UNC13B: variants seen among roughly 807,000 people sequenced by gnomAD.
The protein encoded by UNC13B is protein unc-13 homolog B.
Under a neutral mutation model 211.0 loss-of-function variants are expected in UNC13B, and 144 were observed. The observed-to-expected ratio is 0.68, with a 90% CI of 0.60 to 0.78. The LOEUF (loss-of-function observed/expected upper bound fraction) is 0.78. UNC13B is among the 30% of genes least tolerant of loss of function. UNC13B has a pLI of 0.00. For missense variants in UNC13B, 1,777 were observed against 2,002.0 expected (o/e 0.89, Z 2.14); for synonymous variants, 709 against 725.8 (o/e 0.98, Z 0.37).
chr9:35,259,036 C>A lies in UNC13B; in HGVS notation c.512C>A (p.Ala171Asp). The A allele has an allele frequency of 6.2e-7, 1 of 1,613,982 alleles. No individual in the cohort carries two copies. Residue 171 changes from alanine to aspartate, a missense_variant, in exon 7 of 40, where the codon GCT becomes GAT. Ala to Asp is a moderately radical substitution (Grantham distance 126). Coordinates refer to ENST00000635942, the MANE Select transcript of UNC13B (RefSeq NM_001371189.2). ...EESQRKPLPTAAAQCSFEDPD... is the reference protein window; with the variant it reads ...EESQRKPLPTDAAQCSFEDPD... ...AGCCAGAGGAAGCCATTGCCCACTG[C>A]TGCCGCCCAGTGTTGTAAGTGAGAA...
At chr9:35,257,270 C>G (rs1314493845) in intron 6 of UNC13B, among the ~76,000 whole-genome samples, 1 of 142,980 alleles carries the variant, frequency 7.0e-6, no homozygotes, top group Admixed American at 7.2e-5. Flanking sequence ...ACCAGCCTGG[C>G]CAACGTGGTG....
intron 1 of UNC13B, among the ~76,000 whole-genome samples, chr9:35,202,093 G>A (rs1823336332): frequency 6.6e-6 from 1 of 152,104 alleles, no homozygotes; most frequent in African/African-American, 2.4e-5. Flanking sequence ...ATTTTGTTAT[G>A]CATCCAGTAG....
chr9:35,192,818 G>T (rs924744793), intron 1 of UNC13B, among the ~76,000 whole-genome samples: 3 of 152,158 alleles, frequency 2.0e-5, no homozygotes, highest in Non-Finnish European at 2.9e-5. Context: ...TACTCCAGAG[G>T]GGTGCAAGCT....
At position 35,206,901 on chromosome 9, in the gene UNC13B, A is replaced by C. The variant is rs532347225; in HGVS notation, c.23-21114A>C. 4.6e-5 allele frequency among the ~76,000 whole-genome samples: 7 copies of C among 152,014 alleles called. No homozygotes were observed. In the South Asian group the frequency reaches 1.0e-3, roughly 23 times the overall value. On this transcript the variant is annotated intron_variant, in intron 1 of 39. Transcript: ENST00000635942. ...AAAAAAAAAAAAAAACACACACACA[A>C]AAACTCTAGTGTATGGATATTACCA...
At chr9:35,194,119 C>A (rs1040269139) in intron 1 of UNC13B, among the ~76,000 whole-genome samples, 1 of 152,098 alleles carries the variant, frequency 6.6e-6, no homozygotes, top group Non-Finnish European at 1.5e-5. Context: ...ATATACTCTT[C>A]AGACCAAGGG....
chr9:35,247,803 G>T (rs982932881), intron 6 of UNC13B, among the ~76,000 whole-genome samples: 4 of 152,160 alleles, frequency 2.6e-5, no homozygotes, highest in Admixed American at 2.0e-4. Context: ...AGGGATATTG[G>T]TCTAAAATTC....
chr9:35,228,703 AGTGTGT>A (rs56971215), intron 2 of UNC13B, among the ~76,000 whole-genome samples: 13,820 of 140,454 alleles, frequency 0.098, 563 homozygotes, highest in Admixed American at 0.13. Flanking sequence ...ACATCATGAA[AGTGTGT>A]GTGTGTGTGT....
At chr9:35,359,826 C>T (rs1262581721) in intron 11 of UNC13B, among the ~76,000 whole-genome samples, 4 of 152,144 alleles carry the variant, frequency 2.6e-5, no homozygotes, top group Admixed American at 2.0e-4. Context: ...CACTGCTCTC[C>T]CTGCTTCTAG....
intron 26 of UNC13B, among the ~76,000 whole-genome samples, chr9:35,395,212 C>T (rs947071235): frequency 4.6e-5 from 7 of 152,130 alleles, no homozygotes; most frequent in African/African-American, 7.2e-5. Context: ...CATTCATATA[C>T]GAAAAGTCCT....
chr9:35,389,532 C>G (rs1262558355), intron 24 of UNC13B, among the ~76,000 whole-genome samples: 1 of 152,148 alleles, frequency 6.6e-6, no homozygotes, highest in Non-Finnish European at 1.5e-5. Flanking sequence ...GGGCTGTTTC[C>G]TTTAGCCAGC....
intron 4 of UNC13B, 83 bp from the exon 5 acceptor site, chr9:35,237,620 A>G: frequency 3.8e-6 from 6 of 1,566,278 alleles, no homozygotes; most frequent in Non-Finnish European, 5.2e-6. Context: ...TCAAACAAGG[A>G]ACTTCAGAGA....
chr9:35,378,267 A>G (rs375122418), intron 16 of UNC13B, 28 bp from the exon 17 acceptor site: 3 of 1,613,812 alleles, frequency 1.9e-6, no homozygotes, highest in Non-Finnish European at 2.5e-6. Context: ...AACGACTCTG[A>G]AGCCTCCTAT....
intron 3 of UNC13B, among the ~76,000 whole-genome samples, chr9:35,233,854 G>A (rs913167159): frequency 6.6e-6 from 1 of 152,168 alleles, no homozygotes; most frequent in South Asian, 2.1e-4. Flanking sequence ...TAGGGTCCTG[G>A]GTATGAAGCA....
At chr9:35,249,745 C>G (rs1564092553) in intron 6 of UNC13B, among the ~76,000 whole-genome samples, 1 of 152,166 alleles carries the variant, frequency 6.6e-6, no homozygotes, top group Non-Finnish European at 1.5e-5. Context: ...GATGGGCTTC[C>G]CTTTGTGGGT....
At chr9:35,339,198 T>C (rs1335278408) in intron 11 of UNC13B, among the ~76,000 whole-genome samples, 1 of 152,202 alleles carries the variant, frequency 6.6e-6, no homozygotes, top group Non-Finnish European at 1.5e-5. Flanking sequence ...TCTGGATAAA[T>C]GCCTTTTCCT....
intron 11 of UNC13B, among the ~76,000 whole-genome samples, chr9:35,365,800 G>C (rs1247710978): frequency 6.6e-6 from 1 of 152,162 alleles, no homozygotes; most frequent in African/African-American, 2.4e-5. Context: ...AGATGGGGTG[G>C]AATGGGGGCT....
At chr9:35,221,595 C>A (rs919387613) in intron 1 of UNC13B, among the ~76,000 whole-genome samples, 6 of 152,116 alleles carry the variant, frequency 3.9e-5, no homozygotes, top group African/African-American at 1.4e-4. Flanking sequence ...TGATGTGATC[C>A]TATTTGTCCA....
chr9:35,335,765 C>T (rs1831619556), intron 11 of UNC13B, among the ~76,000 whole-genome samples: 1 of 151,202 alleles, frequency 6.6e-6, no homozygotes. Context: ...TCACGGCTCA[C>T]TGTAACCTCG....
chr9:35,185,682 G>A (rs1822317395), intron 1 of UNC13B, among the ~76,000 whole-genome samples: 2 of 152,024 alleles, frequency 1.3e-5, no homozygotes, highest in African/African-American at 4.8e-5. Flanking sequence ...CACTTTGGGA[G>A]GCCGAGGTGG....
Sources: gnomAD v4.1 joint callset for allele counts (sites outside exome capture counted in the v4.1 genomes callset) on GRCh38, gnomAD v4.1.1 for gene constraint, MANE v1.5 for transcripts, NCBI Gene and HGNC (gene_info 2026-07-23, HGNC 2026-07-21) for gene names.